The following BICRA variants were observed in gnomAD, a reference collection of about 807,000 sequenced individuals.
BICRA encodes BRD4-interacting chromatin-remodeling complex-associated protein.
BICRA carries 31 observed loss-of-function variants against 96.9 expected under a neutral mutation model. That is an observed-to-expected ratio of 0.32 (90% CI 0.24 to 0.43). BICRA has a LOEUF of 0.43. Ranked by LOEUF, BICRA falls within the 20% of genes least tolerant of loss-of-function variation. The pLI, the probability that BICRA is intolerant of heterozygous loss-of-function variation, is 1.00. For synonymous variants in BICRA, 1,350 were observed against 1,071.8 expected (o/e 1.26, Z -5.07); for missense variants, 2,283 against 2,190.3 (o/e 1.04, Z -0.84).
intron 14 of BICRA, chr19:47,700,687 G>A (rs766320796): frequency 7.2e-5 from 11 of 152,002 alleles, no homozygotes; most frequent in Non-Finnish European, 1.5e-4. Context: ...CCAGCTACTT[G>A]GGAGGCTGAG....
chr19:47,688,714 G>A (rs1447415797), intron 7 of BICRA, among the ~76,000 whole-genome samples: 4 of 152,074 alleles, frequency 2.6e-5, no homozygotes, highest in Admixed American at 6.6e-5. Flanking sequence ...GCTTGAACCC[G>A]GGAGGCGGAG....
intron 1 of BICRA, among the ~76,000 whole-genome samples, chr19:47,627,487 T>C (rs1340983424): frequency 2.6e-5 from 4 of 152,040 alleles, no homozygotes; most frequent in African/African-American, 7.2e-5. Flanking sequence ...CAGACCAGAG[T>C]GCACACAGGA....
intron 7 of BICRA, among the ~76,000 whole-genome samples, chr19:47,683,545 T>C (rs1391050429): frequency 1.3e-5 from 2 of 152,114 alleles, no homozygotes; most frequent in Admixed American, 6.6e-5. Context: ...TAATAACCAT[T>C]ATGCTTACGA....
At chr19:47,682,390 C>A (rs949737342) in intron 7 of BICRA, among the ~76,000 whole-genome samples, 1 of 152,232 alleles carries the variant, frequency 6.6e-6, no homozygotes, top group African/African-American at 2.4e-5. Flanking sequence ...GAAATCTGTT[C>A]TTTCCTAAAA....
At chr19:47,669,438 T>G (rs1049411290) in intron 1 of BICRA, among the ~76,000 whole-genome samples, 1 of 152,162 alleles carries the variant, frequency 6.6e-6, no homozygotes, top group African/African-American at 2.4e-5. Flanking sequence ...GGTGACTTTC[T>G]AGAACCTCAC....
chr19:47,701,380 C>G lies in BICRA; in HGVS notation c.3648C>G (p.Ser1216=). The G allele has an allele frequency of 6.2e-7, 1 of 1,609,984 alleles. No homozygotes were observed. The highest frequency in any genetic ancestry group is 2.2e-5 in the East Asian group (1 of 44,720). The change falls in exon 15 of 15, where the codon TCC becomes TCG. Residue 1216 remains serine, a synonymous_variant. Transcript: ENST00000594866. The surrounding 1 kb of genome is among the most constrained non-coding windows in gnomAD (Gnocchi z 5.4). ...RSLGLPIAAS[S]EGHRLPGHGP... The stretch of plus-strand genomic sequence containing the variant: ...TCGGCCTCCCCATCGCAGCCTCTTC[C>G]GAGGGTCATCGGCTTCCCGGCCACG...
Position 47,681,109 on chromosome 19 carries a change from C to T in BICRA, c.1939C>T (p.Pro647Ser), listed in dbSNP as rs1382206973. The change falls in exon 6 of 15, where the codon CCC becomes TCC. Residue 647 changes from proline to serine, a missense_variant. Coordinates refer to ENST00000594866, the MANE Select transcript of BICRA (RefSeq NM_001394372.1). ...LGLQQPQAQQ[P>S]PQAPTPQAAA... ...CCTCCAGCAGCCGCAGGCGCAGCAG[C>T]CCCCGCAGGCCCCCACCCCACAGGC... 2.7e-6 allele frequency: 4 copies of T among 1,463,372 alleles called. No individual in the cohort carries two copies. Among genetic ancestry groups the T allele is most frequent in the East Asian group, 2.5e-5 (1 of 39,414 alleles). 90.6% of individuals were successfully genotyped at this position (1,463,372 alleles called of 1,614,324 possible). A position where few individuals can be genotyped will look rare whatever the true frequency, so the allele number is the denominator to read the frequency against.
At position 47,702,031 on chromosome 19, in the gene BICRA, G is replaced by A. The variant is rs8100472; in HGVS notation, c.4299G>A (p.Ala1433=). ...EATSGLIREL[A]AVEDELYQRM... is the part of the protein sequence containing the mutation. ...CCAGCGGGCTCATCCGCGAGCTGGC[G>A]GCCGTGGAGGACGAGCTGTACCAGC... Residue 1433 remains alanine, a synonymous_variant, in exon 15 of 15, where the codon GCG becomes GCA. Coordinates refer to ENST00000594866, the MANE Select transcript of BICRA (RefSeq NM_001394372.1). The A allele has an allele frequency of 0.075, 111,651 of 1,489,276 alleles. 5,376 individuals carry two copies. Among genetic ancestry groups the A allele is most frequent in the African/African-American group, 0.22 (14,738 of 68,214 alleles). 92.3% of individuals were successfully genotyped at this position (1,489,276 alleles called of 1,614,324 possible).
chr19:47,675,729 C>G lies in BICRA; in HGVS notation c.85-122C>G, dbSNP rs1361812920. ...TCGGAGGCGAGAGTTTCCCATACCC[C>G]CAGCCCTCTCCCATCCCAACCCTTG... is the stretch of plus-strand genomic sequence containing the variant. On this transcript the variant is annotated intron_variant, in intron 4 of 14. Coordinates refer to ENST00000594866, the MANE Select transcript of BICRA (RefSeq NM_001394372.1). The surrounding 1 kb of genome is among the most constrained non-coding windows in gnomAD (Gnocchi z 4.7). 2.6e-6 allele frequency: 2 copies of G among 774,786 alleles called. No individual in the cohort carries two copies. Among genetic ancestry groups the G allele is most frequent in the Non-Finnish European group, 2.2e-6 (1 of 445,450 alleles). The allele number at this position is 774,786 out of a possible 1,614,324, so 48.0% of individuals were successfully genotyped here. A position where few individuals can be genotyped will look rare whatever the true frequency, so the allele number is the denominator to read the frequency against.
Position 47,701,091 on chromosome 19 carries a change from A to G in BICRA, c.3596-237A>G. On this transcript the variant is annotated intron_variant, in intron 14 of 14. Transcript: ENST00000594866. This position sits in a 1 kb window ranked among gnomAD's most constrained non-coding sequence, Gnocchi z 5.4. The stretch of plus-strand genomic sequence containing the variant: ...TGTTTTGTATTCTCTTAATTTACTT[A>G]TGTCTGAATGAGCCCCACGTGGCTC... The G allele has an allele frequency of 1.8e-6, 1 of 554,796 alleles. No individual in the cohort carries two copies. The highest frequency in any genetic ancestry group is 2.4e-5 in the South Asian group (1 of 42,294). The allele number at this position is 554,796 out of a possible 1,614,324, so 34.4% of individuals were successfully genotyped here. A position where few individuals can be genotyped will look rare whatever the true frequency, so the allele number is the denominator to read the frequency against.
intron 7 of BICRA, among the ~76,000 whole-genome samples, chr19:47,682,700 C>G (rs1380758782): frequency 6.8e-6 from 1 of 146,778 alleles, no homozygotes; most frequent in African/African-American, 2.5e-5. Context: ...GAAATGGAGT[C>G]TCACTCTATC....
intron 4 of BICRA, 58 bp downstream of exon 4, chr19:47,673,820 G>A (rs987877285): frequency 1.4e-6 from 2 of 1,385,642 alleles, no homozygotes; most frequent in Non-Finnish European, 2.1e-6. Flanking sequence ...AATTGGGAGT[G>A]AGGGACAGGG....
At chr19:47,688,245 C>T (rs779195491) in intron 7 of BICRA, among the ~76,000 whole-genome samples, 2 of 151,728 alleles carry the variant, frequency 1.3e-5, no homozygotes, top group Non-Finnish European at 2.9e-5. Flanking sequence ...AACAACATAG[C>T]GAGATCTCAT....
Position 47,680,967 on chromosome 19 carries a change from C to T in BICRA, c.1797C>T (p.Pro599=), listed in dbSNP as rs987003503. 4.7e-6 allele frequency: 7 copies of T among 1,476,454 alleles called. No homozygotes were observed. The highest frequency in any genetic ancestry group is 6.2e-6 in the Non-Finnish European group (7 of 1,123,232). The allele number at this position is 1,476,454 out of a possible 1,614,324, so 91.5% of individuals were successfully genotyped here. ...GCGCCGTGGCCATGCTCAACACCCC[C>T]GACGGCCTGGTGCAGCCGGCCACCC... is the stretch of plus-strand genomic sequence containing the variant. The part of the protein sequence containing the change: ...PPSAVAMLNT[P]DGLVQPATPA... Residue 599 remains proline, a synonymous_variant, in exon 6 of 15, where the codon CCC becomes CCT. Transcript: ENST00000594866.
At chr19:47,665,036 C>CCCCCCCCCCCCCGT (rs1972757190) in intron 1 of BICRA, among the ~76,000 whole-genome samples, 1 of 150,352 alleles carries the variant, frequency 6.7e-6, no homozygotes, top group Non-Finnish European at 1.5e-5. Flanking sequence ...CACCCCCCCG[C>CCCCCCCCCCCCCGT]CCCCCCACTC....
At chr19:47,664,856 C>T (rs865931802) in intron 1 of BICRA, among the ~76,000 whole-genome samples, 24 of 152,326 alleles carry the variant, frequency 1.6e-4, no homozygotes, top group African/African-American at 5.3e-4. Context: ...TGAACAGACA[C>T]AGTGCGCCCA....
rs997497917 is a variant in BICRA at position 47,694,838 on chromosome 19, G to A, written c.2896-62G>A. On this transcript the variant is annotated intron_variant, in intron 8 of 14. Coordinates refer to ENST00000594866, the MANE Select transcript of BICRA (RefSeq NM_001394372.1). ...CTGTGATCCTCCCCAGCCCTGCTGC[G>A]TCTGGACACCCCTACACCTAGCCTA... is the stretch of plus-strand genomic sequence containing the variant. 4.1e-5 allele frequency: 53 copies of A among 1,292,736 alleles called. No individual in the cohort carries two copies. The East Asian group carries it at 8.9e-4, about 22-fold the overall frequency. The allele number at this position is 1,292,736 out of a possible 1,614,324, so 80.1% of individuals were successfully genotyped here.
At chr19:47,649,356 T>A (rs1972509868) in intron 1 of BICRA, among the ~76,000 whole-genome samples, 1 of 152,190 alleles carries the variant, frequency 6.6e-6, no homozygotes, top group South Asian at 2.1e-4. Flanking sequence ...TCTGTATCTT[T>A]TGTGAGGATT....
chr19:47,608,801 T>A (rs1367939856), upstream of BICRA, among the ~76,000 whole-genome samples: 1 of 149,458 alleles, frequency 6.7e-6, no homozygotes, highest in Non-Finnish European at 1.5e-5. Flanking sequence ...GGGGCGGGGA[T>A]TCCTGAAGCC....
Sources: gnomAD v4.1 joint callset for allele counts (sites outside exome capture counted in the v4.1 genomes callset) on GRCh38, gnomAD v4.1.1 for gene constraint, Gnocchi (gnomAD v3.1) non-coding constraint, MANE v1.5 for transcripts, NCBI Gene and HGNC (gene_info 2026-07-23, HGNC 2026-07-21) for gene names.